Variants in SYNDIG1L observed in about 807,000 individuals in gnomAD.
SYNDIG1L encodes the protein synapse differentiation-inducing gene protein 1-like.
In SYNDIG1L, 13 loss-of-function variants were observed where a neutral mutation model predicts 20.1. The ratio of observed to expected loss-of-function variants is 0.65; its 90% CI spans 0.42 to 1.03. SYNDIG1L has a LOEUF of 1.03. Among genes scored for constraint, SYNDIG1L ranks in the 50% least tolerant of loss-of-function variants. The pLI is 0.00. For synonymous variants in SYNDIG1L, 128 were observed against 129.3 expected (o/e 0.99, Z 0.07); for missense variants, 294 against 305.1 (o/e 0.96, Z 0.27).
intron 1 of SYNDIG1L, among the ~76,000 whole-genome samples, chr14:74,417,923 A>G (rs1218536586): frequency 6.6e-6 from 1 of 152,232 alleles, no homozygotes; most frequent in Admixed American, 6.5e-5. Context: ...GTCTGGATTC[A>G]AATAAATACC....
chr14:74,476,454 C>A, the SYNDIG1L span: 1 of 1,327,776 alleles, frequency 7.5e-7, no homozygotes, highest in Non-Finnish European at 1.0e-6. Context: ...CTTCTCCAAG[C>A]CCCTGCAGGT....
the SYNDIG1L span, among the ~76,000 whole-genome samples, chr14:74,475,190 G>A: frequency 6.6e-6 from 1 of 151,788 alleles, no homozygotes; most frequent in Non-Finnish European, 1.5e-5. Flanking sequence ...AGTTTCCATG[G>A]CTGCAACCTT....
chr14:74,445,919 A>G, the SYNDIG1L span, among the ~76,000 whole-genome samples: 3 of 152,200 alleles, frequency 2.0e-5, no homozygotes, highest in Admixed American at 2.0e-4. Flanking sequence ...TTTAAAATTT[A>G]TTCCTCAAAA....
chr14:74,458,386 G>T, the SYNDIG1L span, among the ~76,000 whole-genome samples: 1 of 151,944 alleles, frequency 6.6e-6, no homozygotes, highest in African/African-American at 2.4e-5. Flanking sequence ...GGAAGCTGAG[G>T]TGGGTGGATC....
chr14:74,477,117 CAA>C, the SYNDIG1L span, among the ~76,000 whole-genome samples: 1 of 102,646 alleles, frequency 9.7e-6, no homozygotes, highest in Non-Finnish European at 2.0e-5. Flanking sequence ...GCCCCATTCC[CAA>C]CACACACACA....
At chr14:74,458,443 C>A in the SYNDIG1L span, among the ~76,000 whole-genome samples, 10 of 141,374 alleles carry the variant, frequency 7.1e-5, no homozygotes, top group South Asian at 2.3e-4. Context: ...ATGGTGAAGA[C>A]CCTGTGTCTA....
At chr14:74,421,126 T>A (rs1363074662) in intron 1 of SYNDIG1L, among the ~76,000 whole-genome samples, 2 of 152,204 alleles carry the variant, frequency 1.3e-5, no homozygotes, top group Admixed American at 6.5e-5. Context: ...ATTTTTTGAA[T>A]TCATATCCTC....
Position 74,407,999 on chromosome 14 carries a change from A to C in SYNDIG1L, c.418-10T>G. On this transcript the variant is annotated splice_polypyrimidine_tract_variant and intron_variant, in intron 2 of 3. Coordinates refer to ENST00000331628, the MANE Select transcript of SYNDIG1L (RefSeq NM_001105579.2). ...TTGAAGTGGCATCGCTCTGCAAAAC[A>C]GTGGAGTTTGGTGACCAGGCCCAGG... 1 of 1,601,926 alleles carries C rather than the reference A, an allele frequency of 6.2e-7. No individual in the cohort carries two copies. The highest frequency in any genetic ancestry group is 8.5e-7 in the Non-Finnish European group (1 of 1,174,388).
chr14:74,437,513 A>G, the SYNDIG1L span, among the ~76,000 whole-genome samples: 2 of 152,200 alleles, frequency 1.3e-5, no homozygotes, highest in East Asian at 3.9e-4. Context: ...AACACAGAAC[A>G]TGCAAGAAAG....
chr14:74,409,622 G>A lies in SYNDIG1L; in HGVS notation c.123C>T (p.Tyr41=), dbSNP rs771349555. The part of the protein sequence containing the change: ...SWSCQEKLYS[Y]LLGGAGPAGA... ...CGGCAGGCCCAGCGCCACCTAGGAG[G>A]TAGGAGTAGAGCTTTTCCTGGCAGG... is the stretch of plus-strand genomic sequence containing the variant. The change falls in exon 2 of 4, where the codon TAC becomes TAT. Residue 41 remains tyrosine, a synonymous_variant. Coordinates refer to ENST00000331628, the MANE Select transcript of SYNDIG1L (RefSeq NM_001105579.2). 1 of 1,505,824 alleles carries A rather than the reference G, an allele frequency of 6.6e-7. No homozygotes were observed. 93.3% of individuals were successfully genotyped at this position (1,505,824 alleles called of 1,614,324 possible). A position where few individuals can be genotyped will look rare whatever the true frequency, so the allele number is the denominator to read the frequency against.
chr14:74,408,579 A>G (rs1370798151), intron 2 of SYNDIG1L, among the ~76,000 whole-genome samples: 1 of 151,950 alleles, frequency 6.6e-6, no homozygotes, highest in Non-Finnish European at 1.5e-5. Flanking sequence ...AAAAAAAAAA[A>G]AAGAAACACT....
the SYNDIG1L span, among the ~76,000 whole-genome samples, chr14:74,458,551 G>A: frequency 3.3e-5 from 5 of 151,304 alleles, no homozygotes; most frequent in Admixed American, 2.0e-4. Context: ...GAACCCAGGA[G>A]GCGGAGGTTG....
the SYNDIG1L span, among the ~76,000 whole-genome samples, chr14:74,435,200 C>T: frequency 1.3e-5 from 2 of 151,596 alleles, no homozygotes; most frequent in African/African-American, 2.4e-5. Context: ...GCCAAGAGTA[C>T]TTCTTTGGGC....
Position 74,406,066 on chromosome 14 carries a change from A to G in SYNDIG1L, c.*1469T>C, listed in dbSNP as rs1401174308. 4.5e-5 allele frequency: 18 copies of G among 398,478 alleles called. No individual in the cohort carries two copies. The East Asian group carries it at 6.1e-4, about 13-fold the overall frequency. 24.7% of individuals were successfully genotyped at this position (398,478 alleles called of 1,614,324 possible). ...CCCTGGGCTCTGGATGGGGCATGGGAATGACCAGGTTCCCACATCATGCAC... is the reference window on the plus strand; with the variant it reads ...CCCTGGGCTCTGGATGGGGCATGGGGATGACCAGGTTCCCACATCATGCAC... On this transcript the variant is annotated 3_prime_UTR_variant, in exon 4 of 4. Coordinates refer to ENST00000331628, the MANE Select transcript of SYNDIG1L (RefSeq NM_001105579.2).
the SYNDIG1L span, among the ~76,000 whole-genome samples, chr14:74,468,928 G>A: frequency 1.3e-5 from 2 of 152,084 alleles, no homozygotes; most frequent in African/African-American, 4.8e-5. Flanking sequence ...ACTGTATCTT[G>A]TCTTCCCTTC....
At chr14:74,424,629 A>C (rs1345599003) in intron 1 of SYNDIG1L, among the ~76,000 whole-genome samples, 1 of 152,124 alleles carries the variant, frequency 6.6e-6, no homozygotes, top group Non-Finnish European at 1.5e-5. Context: ...AAGGTTTATA[A>C]GTTTGGCTTC....
chr14:74,436,161 C>A, the SYNDIG1L span, among the ~76,000 whole-genome samples: 1 of 151,918 alleles, frequency 6.6e-6, no homozygotes, highest in African/African-American at 2.4e-5. Flanking sequence ...GATAACAAGT[C>A]TGGGTTCTCC....
chr14:74,471,587 G>C, the SYNDIG1L span, among the ~76,000 whole-genome samples: 1 of 149,184 alleles, frequency 6.7e-6, no homozygotes, highest in Non-Finnish European at 1.5e-5. Context: ...GACAACGTGA[G>C]ACCCTATCTC....
the SYNDIG1L span, among the ~76,000 whole-genome samples, chr14:74,451,284 A>T: frequency 6.6e-6 from 1 of 152,222 alleles, no homozygotes; most frequent in African/African-American, 2.4e-5. Flanking sequence ...CTGGTTTTTG[A>T]CAAAAGTGCA....
Sources: gnomAD v4.1 joint callset for allele counts (sites outside exome capture counted in the v4.1 genomes callset) on GRCh38, gnomAD v4.1.1 for gene constraint, MANE v1.5 for transcripts, NCBI Gene and HGNC (gene_info 2026-07-23, HGNC 2026-07-21) for gene names.